The following MAPK13 variants were observed in gnomAD, a reference collection of about 807,000 sequenced individuals.
MAPK13 encodes the protein MAP kinase 13.
In MAPK13, 39 loss-of-function variants were observed where a neutral mutation model predicts 53.5. That is an observed-to-expected ratio of 0.73 (90% CI 0.56 to 0.95). The LOEUF (loss-of-function observed/expected upper bound fraction) is 0.95, where lower values mean the gene tolerates loss of function less well. Ranked by LOEUF, MAPK13 falls within the 40% of genes least tolerant of loss-of-function variation. The pLI is 0.00. For synonymous variants in MAPK13, 179 were observed against 190.9 expected (o/e 0.94, Z 0.51); for missense variants, 460 against 471.8 (o/e 0.98, Z 0.23).
At position 36,131,271 on chromosome 6, in the gene MAPK13, C is replaced by T. The variant is rs766204139; in HGVS notation, c.120C>T (p.Cys40=). Residue 40 remains cysteine (C), a splice_region_variant and synonymous_variant, in exon 2 of 12, where the codon TGC becomes TGT. Transcript: ENST00000211287. ...CTGCTGACCGGCCTGTGCCCGACAG[C>T]TCGGCCATCGACAAGCGGTCAGGGG... is the stretch of plus-strand genomic sequence containing the variant. ...HVGSGAYGSV[C]SAIDKRSGEK... 2.5e-6 allele frequency: 4 copies of T among 1,611,846 alleles called. No individual in the cohort carries two copies. Among genetic ancestry groups the T allele is most frequent in the Non-Finnish European group, 2.5e-6 (3 of 1,178,708 alleles).
At chr6:36,132,778 C>A in intron 3 of MAPK13, 99 bp downstream of exon 3, 1 of 1,249,996 alleles carries the variant, frequency 8.0e-7, no homozygotes. Flanking sequence ...CCGGGTGTGG[C>A]GGGGAGAGCC....
rs1766501736 is a variant in MAPK13 at position 36,139,873 on chromosome 6, T to C, written c.*500T>C. On this transcript the variant is annotated 3_prime_UTR_variant, in exon 12 of 12. Transcript: ENST00000211287. ...TTTAGCTTGTGGCGGCAGTGGGCAGTCCGTGGCATTCCCCAGCTTATTGCT... is the reference window on the plus strand; with the variant it reads ...TTTAGCTTGTGGCGGCAGTGGGCAGCCCGTGGCATTCCCCAGCTTATTGCT... 6.3e-6 allele frequency: 1 copy of C among 159,352 alleles called. No individual in the cohort carries two copies. The highest frequency in any genetic ancestry group is 1.8e-4 in the South Asian group (1 of 5,704). The allele number at this position is 159,352 out of a possible 1,614,324, so 9.9% of individuals were successfully genotyped here. A position where few individuals can be genotyped will look rare whatever the true frequency, so the allele number is the denominator to read the frequency against.
At position 36,138,784 on chromosome 6, in the gene MAPK13, A is replaced by C. The variant is rs1377695137; in HGVS notation, c.841+4A>C. ...TTCCCACGGGCCAGCCCCCAGGGTG[A>C]GTCTCAGAGCCCGCTCCCCAGGGGC... On this transcript the variant is annotated splice_donor_region_variant and intron_variant, in intron 10 of 11. Transcript: ENST00000211287. The C allele has an allele frequency of 8.7e-6, 14 of 1,613,974 alleles. No individual in the cohort carries two copies. The Admixed American group carries it at 2.0e-4, about 23-fold the overall frequency.
chr6:36,136,782 A>G lies in MAPK13; in HGVS notation c.610+12A>G, dbSNP rs376792566. ...CTACAACCAGACAGGTCAGTGGTCAATGCCTGAGAGGGCGGTCCTGGGGCC... is the reference window on the plus strand; with the variant it reads ...CTACAACCAGACAGGTCAGTGGTCAGTGCCTGAGAGGGCGGTCCTGGGGCC... On this transcript the variant is annotated intron_variant, in intron 7 of 11. Transcript: ENST00000211287. 1.9e-5 allele frequency: 30 copies of G among 1,613,702 alleles called. No individual in the cohort carries two copies. The African/African-American group carries it at 2.8e-4, about 15-fold the overall frequency.
intron 4 of MAPK13, 49 bp downstream of exon 4, chr6:36,135,910 C>G: frequency 6.3e-7 from 1 of 1,598,512 alleles, no homozygotes; most frequent in Middle Eastern, 1.7e-4. Context: ...GCTGTCTAGA[C>G]CTGAGGTTTG....
At chr6:36,134,133 G>A (rs1766369915) in intron 3 of MAPK13, among the ~76,000 whole-genome samples, 1 of 152,152 alleles carries the variant, frequency 6.6e-6, no homozygotes, top group Admixed American at 6.5e-5. Flanking sequence ...TCAAGGGAAT[G>A]TGGTTCTAGC....
Position 36,130,778 on chromosome 6 carries a change from G to C in MAPK13, c.119+77G>C. ...TTTCCGCCCAGCCCGCCCTGGGCTG[G>C]CCCCTCGCCAGCGCCACCTTGACCG... is the stretch of plus-strand genomic sequence containing the variant. On this transcript the variant is annotated intron_variant, in intron 1 of 11. Coordinates refer to ENST00000211287, the MANE Select transcript of MAPK13 (RefSeq NM_002754.5). This position sits in a 1 kb window ranked among gnomAD's most constrained non-coding sequence, Gnocchi z 4.5. 1.3e-6 allele frequency: 1 copy of C among 782,278 alleles called. No homozygotes were observed. Among genetic ancestry groups the C allele is most frequent in the Admixed American group, 3.5e-5 (1 of 28,288 alleles). The allele number at this position is 782,278 out of a possible 1,614,324, so 48.5% of individuals were successfully genotyped here. A position where few individuals can be genotyped will look rare whatever the true frequency, so the allele number is the denominator to read the frequency against.
intron 11 of MAPK13, 109 bp downstream of exon 11, chr6:36,139,164 G>T (rs1158576564): frequency 6.5e-6 from 9 of 1,393,274 alleles, no homozygotes; most frequent in South Asian, 1.3e-5. Flanking sequence ...CCTCCTTCTT[G>T]GTGGGCATTG....
At position 36,139,011 on chromosome 6, in the gene MAPK13, A is replaced by T; in HGVS notation, c.974A>T (p.Asp325Val). Residue 325 changes from aspartate to valine, a missense_variant, in exon 11 of 12, where the codon GAT (aspartate) becomes GTT (valine). Transcript: ENST00000211287. ...GAGACGGAGGCCCAGCAGCCGTTTG[A>T]TGATTCCTTAGAACACGAGAAACTC... ...EEETEAQQPF[D>V]DSLEHEKLTV... 1.2e-6 allele frequency: 2 copies of T among 1,612,550 alleles called. No homozygotes were observed. The highest frequency in any genetic ancestry group is 1.7e-6 in the Non-Finnish European group (2 of 1,179,528).
Position 36,140,644 on chromosome 6 carries a change from C to T in MAPK13, c.*1271C>T, listed in dbSNP as rs760299169. The T allele has an allele frequency of 5.2e-5, 8 of 152,602 alleles. No individual in the cohort carries two copies. The highest frequency in any genetic ancestry group is 3.8e-4 in the East Asian group (2 of 5,202). 9.5% of individuals were successfully genotyped at this position (152,602 alleles called of 1,614,324 possible). A position where few individuals can be genotyped will look rare whatever the true frequency, so the allele number is the denominator to read the frequency against. ...ATGGATATCAGACCATAGTTCGAGA[C>T]ATTTAGTGGATTTCAGTCATACTTG... On this transcript the variant is annotated 3_prime_UTR_variant, in exon 12 of 12. Transcript: ENST00000211287.
chr6:36,133,941 GGT>G (rs1766366261), intron 3 of MAPK13, among the ~76,000 whole-genome samples: 1 of 152,156 alleles, frequency 6.6e-6, no homozygotes, highest in South Asian at 2.1e-4. Context: ...AGGGAGTCAT[GGT>G]GTGTTTGTCG....
rs770846199 is a variant in MAPK13, at chr6:36,138,351, A to T, written c.683-14A>T. The T allele has an allele frequency of 2.5e-6, 4 of 1,612,482 alleles. No individual in the cohort carries two copies. ...CACCAGGAGAGCAAGGCTAAGCCTT[A>T]ACCTGCCACCAAGACCTGGACCAGC... is the stretch of plus-strand genomic sequence containing the variant. On this transcript the variant is annotated splice_polypyrimidine_tract_variant and intron_variant, in intron 8 of 11. Coordinates refer to ENST00000211287, the MANE Select transcript of MAPK13 (RefSeq NM_002754.5).
chr6:36,135,959 C>G (rs1012317255), intron 4 of MAPK13, 60 bp from the exon 5 acceptor site: 1 of 1,608,294 alleles, frequency 6.2e-7, no homozygotes, highest in Non-Finnish European at 8.5e-7. Context: ...GGTCGGCCAG[C>G]CTGAAGTGCC....
In MAPK13 at chr6:36,136,823, GCTGA is replaced by G. The variant is rs889310630; in HGVS notation, c.611-48_611-45del. Reference sequence around the variant, plus strand: ...TCCTGGGGCCATCTGGTCACTCGGTGCTGACTGACTGCTGGGCCCCAGACAGTCC... The same window carrying G: ...TCCTGGGGCCATCTGGTCACTCGGTGCTGACTGCTGGGCCCCAGACAGTCC... On this transcript the variant is annotated intron_variant, in intron 7 of 11. Transcript: ENST00000211287. The G allele has an allele frequency of 1.2e-4, 187 of 1,609,192 alleles. No homozygotes were observed. In the Admixed American group the frequency reaches 2.0e-3, roughly 17 times the overall value.
Position 36,138,448 on chromosome 6 carries a change from G to A in MAPK13, c.762+4G>A, listed in dbSNP as rs760787496. ...GCAGAAGCTGAACGACAAAGCGGTG[G>A]GTGGTAAATGGGACCTAGGCTGGCC... On this transcript the variant is annotated splice_donor_region_variant and intron_variant, in intron 9 of 11. Coordinates refer to ENST00000211287, the MANE Select transcript of MAPK13 (RefSeq NM_002754.5). 6.2e-7 allele frequency: 1 copy of A among 1,613,622 alleles called. No homozygotes were observed.
intron 1 of MAPK13, chr6:36,131,069 G>C: frequency 1.7e-6 from 1 of 579,134 alleles, no homozygotes; most frequent in South Asian, 2.3e-5. Context: ...GCAATGAGAC[G>C]TTGCTGCCCC....
At position 36,130,555 on chromosome 6, in the gene MAPK13, C is replaced by G; in HGVS notation, c.-28C>G. ...TTGGGCCGCGAACGCAGCCGCCACG[C>G]TGGGGCCGCCGAGATCGGGTGCCCG... On this transcript the variant is annotated 5_prime_UTR_variant, in exon 1 of 12. Transcript: ENST00000211287. This position sits in a 1 kb window ranked among gnomAD's most constrained non-coding sequence, Gnocchi z 4.5. The G allele has an allele frequency of 7.7e-7, 1 of 1,294,356 alleles. No individual in the cohort carries two copies. The highest frequency in any genetic ancestry group is 1.1e-6 in the Non-Finnish European group (1 of 934,038). 80.2% of individuals were successfully genotyped at this position (1,294,356 alleles called of 1,614,324 possible). A position where few individuals can be genotyped will look rare whatever the true frequency, so the allele number is the denominator to read the frequency against.
chr6:36,135,671 T>G (rs1766402266), intron 3 of MAPK13, 82 bp from the exon 4 acceptor site: 1 of 931,828 alleles, frequency 1.1e-6, no homozygotes, highest in Non-Finnish European at 1.7e-6. Context: ...ACCCCTGTTC[T>G]GCCCTGAGGT....
intron 3 of MAPK13, among the ~76,000 whole-genome samples, chr6:36,134,582 G>C (rs1163402214): frequency 6.6e-6 from 1 of 152,074 alleles, no homozygotes; most frequent in Non-Finnish European, 1.5e-5. Context: ...AATTTTTATA[G>C]ATATGGGGTC....
Sources: gnomAD v4.1 joint callset for allele counts (sites outside exome capture counted in the v4.1 genomes callset) on GRCh38, gnomAD v4.1.1 for gene constraint, Gnocchi (gnomAD v3.1) non-coding constraint, MANE v1.5 for transcripts, NCBI Gene and HGNC (gene_info 2026-07-23, HGNC 2026-07-21) for gene names.